Variants in GOLGA1 observed in about 807,000 individuals in gnomAD.
GOLGA1 encodes golgin subfamily A member 1.
In GOLGA1, 63 loss-of-function variants were observed where a neutral mutation model predicts 119.7. The observed-to-expected ratio is 0.53, with a 90% confidence interval of 0.43 to 0.65. The LOEUF is 0.65. GOLGA1 is among the 30% of genes least tolerant of loss of function. The pLI is 0.00. For synonymous variants in GOLGA1, 318 were observed against 333.4 expected (o/e 0.95, Z 0.50); for missense variants, 798 against 912.8 (o/e 0.87, Z 1.62).
intron 10 of GOLGA1, among the ~76,000 whole-genome samples, chr9:124,917,541 T>A (rs886173606): frequency 1.3e-5 from 2 of 151,964 alleles, no homozygotes; most frequent in African/African-American, 4.8e-5. Context: ...TACCCATTAT[T>A]ATCTTCACCA....
chr9:124,890,660 C>T (rs549828659), intron 15 of GOLGA1, among the ~76,000 whole-genome samples, 182 bp from the exon 16 acceptor site: 34 of 152,210 alleles, frequency 2.2e-4, no homozygotes, highest in African/African-American at 7.9e-4. Flanking sequence ...CAGAGCTATC[C>T]TGGCAGGCAA....
intron 3 of GOLGA1, among the ~76,000 whole-genome samples, chr9:124,931,764 G>T (rs927481083): frequency 6.6e-6 from 1 of 152,158 alleles, no homozygotes; most frequent in Non-Finnish European, 1.5e-5. Context: ...GAAGGCGGGG[G>T]TTCTTTAGGG....
intron 12 of GOLGA1, among the ~76,000 whole-genome samples, chr9:124,902,930 G>A (rs1176357825): frequency 2.0e-5 from 3 of 152,174 alleles, no homozygotes; most frequent in African/African-American, 7.2e-5. Context: ...AATTTTATTG[G>A]TGGTAGCGCC....
At chr9:124,944,917 C>T (rs980037279), upstream of GOLGA1, 3 of 152,188 alleles carry the variant, frequency 2.0e-5, no homozygotes, top group South Asian at 4.1e-4. Context: ...GTATCATTTA[C>T]GGCAGCCCTA....
intron 13 of GOLGA1, 47 bp from the exon 14 acceptor site, chr9:124,899,525 A>C: frequency 6.6e-7 from 1 of 1,521,770 alleles, no homozygotes; most frequent in East Asian, 2.5e-5. Context: ...AATGGTTTCC[A>C]GTGGGGGATC....
intron 15 of GOLGA1, among the ~76,000 whole-genome samples, chr9:124,891,568 C>T (rs1007012982): frequency 2.0e-5 from 3 of 152,044 alleles, no homozygotes; most frequent in East Asian, 1.9e-4. Flanking sequence ...CAGAGCTTAG[C>T]GATTTTATTC....
At chr9:124,887,530 A>G (rs554380992) in intron 19 of GOLGA1, 10 of 152,248 alleles carry the variant, frequency 6.6e-5, no homozygotes, top group African/African-American at 2.4e-4. Context: ...TGGCTACGAT[A>G]CTGCCACTGC....
In GOLGA1 at chr9:124,888,052, G is replaced by T. The variant is rs542918109; in HGVS notation, c.1905+201C>A. Among the ~76,000 whole-genome samples, 22 of 152,218 alleles carry T rather than the reference G, an allele frequency of 1.4e-4. 1 individual carries two copies. In the South Asian group the frequency reaches 4.6e-3, roughly 32 times the overall value. ...TGTCCAGTTCTCCAGGGGGTGGGGA[G>T]AAGAGGGCTGGGGAGGGTGTGGAGG... On this transcript the variant is annotated intron_variant, in intron 19 of 22. Transcript: ENST00000373555. The surrounding 1 kb of genome is among the most constrained non-coding windows in gnomAD (Gnocchi z 4.4).
intron 15 of GOLGA1, among the ~76,000 whole-genome samples, chr9:124,892,366 G>A (rs981695969): frequency 1.3e-5 from 2 of 152,260 alleles, no homozygotes; most frequent in African/African-American, 4.8e-5. Context: ...TCAATTTTCA[G>A]GCTTTCTTCC....
chr9:124,886,794 T>G (rs1264213779), intron 19 of GOLGA1, among the ~76,000 whole-genome samples: 1 of 148,384 alleles, frequency 6.7e-6, no homozygotes, highest in African/African-American at 2.5e-5. Context: ...AAGCAGGAGG[T>G]GGGAGCACCA....
rs1265933400 is a variant in GOLGA1 at position 124,921,905 on chromosome 9, T to C, written c.562-13A>G. On this transcript the variant is annotated splice_polypyrimidine_tract_variant and intron_variant, in intron 8 of 22. Transcript: ENST00000373555. ...CTTTTTTTAAAAGCTGACACAAAAATACAAAGTTTCATTGGGCTATGCTAA... is the reference window on the plus strand; with the variant it reads ...CTTTTTTTAAAAGCTGACACAAAAACACAAAGTTTCATTGGGCTATGCTAA... The C allele has an allele frequency of 4.4e-6, 7 of 1,608,760 alleles. No individual in the cohort carries two copies. Among genetic ancestry groups the C allele is most frequent in the African/African-American group, 1.3e-5 (1 of 74,562 alleles).
At position 124,921,755 on chromosome 9, in the gene GOLGA1, C is replaced by T. The variant is rs754686021; in HGVS notation, c.699G>A (p.Leu233=). The change falls in exon 9 of 23, where the codon TTG becomes TTA. Residue 233 remains leucine (L), a synonymous_variant. Transcript: ENST00000373555. ...SSDLSQKLEE[L]QRHYSTLEEQ... ...CTTCCAGCGTTGAGTAGTGTCTCTG[C>T]AATTCTTCTAGCTTCTGGCTTAAGT... 2 of 1,613,874 alleles carry T rather than the reference C, an allele frequency of 1.2e-6. No individual in the cohort carries two copies. The highest frequency in any genetic ancestry group is 1.7e-6 in the Non-Finnish European group (2 of 1,179,894).
intron 15 of GOLGA1, among the ~76,000 whole-genome samples, chr9:124,892,285 G>T (rs1294390727): frequency 6.6e-6 from 1 of 152,056 alleles, no homozygotes; most frequent in East Asian, 1.9e-4. Context: ...TAATTTCTGT[G>T]CTTATATTTG....
At chr9:124,912,135 T>C (rs934384410) in intron 10 of GOLGA1, 109 bp from the exon 11 acceptor site, 6 of 911,026 alleles carry the variant, frequency 6.6e-6, no homozygotes, top group Admixed American at 2.4e-5. Context: ...AACTGTATCC[T>C]AGAAGAACAA....
rs920048342 is a variant in GOLGA1 at position 124,881,198 on chromosome 9, G to A, written c.2196C>T (p.Asn732=). 1.9e-6 allele frequency: 3 copies of A among 1,585,072 alleles called. No homozygotes were observed. Among genetic ancestry groups the A allele is most frequent in the Non-Finnish European group, 1.7e-6 (2 of 1,153,454 alleles). ...TATATTCCAGAGTTTCCTTGAGCAT[G>A]TTCTCCTCCTCTTGGGAAAAGTTCA... ...VLLNFSQEEE[N]MLKETLEYKM... The change falls in exon 22 of 23, where the codon AAC becomes AAT. Residue 732 remains asparagine (N), a synonymous_variant. Coordinates refer to ENST00000373555, the MANE Select transcript of GOLGA1 (RefSeq NM_002077.4). This position sits in a 1 kb window ranked among gnomAD's most constrained non-coding sequence, Gnocchi z 4.9.
At chr9:124,931,778 A>G (rs1029802090) in intron 3 of GOLGA1, among the ~76,000 whole-genome samples, 2 of 152,248 alleles carry the variant, frequency 1.3e-5, no homozygotes, top group African/African-American at 4.8e-5. Flanking sequence ...TTTAGGGATC[A>G]AAAGCTGGTC....
intron 10 of GOLGA1, among the ~76,000 whole-genome samples, chr9:124,917,822 T>C (rs1416932587): frequency 6.6e-6 from 1 of 152,140 alleles, no homozygotes; most frequent in Non-Finnish European, 1.5e-5. Flanking sequence ...TTAAGTGTTC[T>C]ACGGCTCCAA....
At chr9:124,901,534 A>C (rs183249746) in intron 12 of GOLGA1, among the ~76,000 whole-genome samples, 34 of 139,346 alleles carry the variant, frequency 2.4e-4, no homozygotes, top group African/African-American at 9.2e-4. Context: ...TCCTGGGTTC[A>C]AGTGATTCTC....
intron 7 of GOLGA1, 71 bp from the exon 8 acceptor site, chr9:124,923,294 C>T: frequency 7.5e-7 from 1 of 1,340,630 alleles, no homozygotes; most frequent in Non-Finnish European, 1.0e-6. Flanking sequence ...AAGTGAAAAT[C>T]TTTTCTTTTT....
Sources: allele counts gnomAD v4.1 joint callset (sites outside exome capture counted in the v4.1 genomes callset), GRCh38; gene constraint gnomAD v4.1.1; non-coding constraint Gnocchi (gnomAD v3.1); transcripts MANE v1.5; gene names NCBI Gene and HGNC (gene_info 2026-07-23, HGNC 2026-07-21).